The following NAA11 variants were observed in gnomAD, a reference collection of about 807,000 sequenced individuals.
The protein encoded by NAA11 is N-alpha-acetyltransferase 11, NatA catalytic subunit, also known as N-alpha-acetyltransferase 11.
In NAA11, 15 loss-of-function variants were observed where a neutral mutation model predicts 16.1. That is an observed-to-expected ratio of 0.93 (90% CI 0.62 to 1.44). NAA11 has a LOEUF of 1.44. Among genes scored for constraint, NAA11 ranks in the 40% most tolerant of loss-of-function variants. NAA11 has a pLI of 0.00. For synonymous variants in NAA11, 122 were observed against 112.4 expected, an observed-to-expected ratio of 1.09 and a Z score of -0.54; for missense variants, 298 against 291.3, an observed-to-expected ratio of 1.02 and a Z score of -0.17.
At chr4:79,277,293 C>T (rs1007839365) in intron 2 of NAA11, among the ~76,000 whole-genome samples, 2 of 152,118 alleles carry the variant, frequency 1.3e-5, no homozygotes, top group Non-Finnish European at 2.9e-5. Flanking sequence ...TTATTCTTGT[C>T]GGGTGCTGTG....
the NAA11 span, among the ~76,000 whole-genome samples, chr4:79,204,566 CCTT>C: frequency 6.9e-6 from 1 of 143,930 alleles, no homozygotes; most frequent in East Asian, 2.3e-4. Flanking sequence ...TTCCTTCTCT[CCTT>C]CTACTTTTAT....
Position 79,325,408 on chromosome 4 carries a change from T to C in NAA11, c.470A>G (p.Glu157Gly). The C allele has an allele frequency of 6.2e-7, 1 of 1,614,206 alleles. No individual in the cohort carries two copies. The highest frequency in any genetic ancestry group is 8.5e-7 in the Non-Finnish European group (1 of 1,180,032). ...MKRDLSQMAD[E>G]LRRQMDLKKG... ...CTTCAGGTCCATTTGTCGTCTCAGC[T>C]CATCTGCCATCTGCGAGAGATCCCG... The change falls in exon 1 of 2, where the codon GAG becomes GGG. Residue 157 changes from glutamate to glycine, a missense_variant. Transcript: ENST00000286794.
intron 2 of NAA11, among the ~76,000 whole-genome samples, chr4:79,265,430 T>G (rs974841030): frequency 6.6e-6 from 1 of 152,200 alleles, no homozygotes; most frequent in African/African-American, 2.4e-5. Flanking sequence ...TCACTGAGAA[T>G]AAAACTTCAA....
At chr4:79,157,971 G>A in the NAA11 span, among the ~76,000 whole-genome samples, 47 of 150,330 alleles carry the variant, frequency 3.1e-4, no homozygotes, top group Non-Finnish European at 5.0e-4. Context: ...CGTGATCTCG[G>A]CTCATTGCAA....
At chr4:79,294,130 A>G (rs1360091166) in intron 1 of NAA11, 3 of 152,230 alleles carry the variant, frequency 2.0e-5, no homozygotes, top group African/African-American at 7.2e-5. Context: ...GTAATAGGAC[A>G]AAATGGACTA....
chr4:79,311,469 CT>C (rs1723767006), intron 1 of NAA11, among the ~76,000 whole-genome samples: 1 of 152,180 alleles, frequency 6.6e-6, no homozygotes, highest in African/African-American at 2.4e-5. Flanking sequence ...CCTAAACCAG[CT>C]TTCTAACTCT....
At chr4:79,241,223 T>C (rs144963763) in intron 2 of NAA11, among the ~76,000 whole-genome samples, 26 of 152,324 alleles carry the variant, frequency 1.7e-4, no homozygotes, top group African/African-American at 6.3e-4. Context: ...TTCGCTTAAA[T>C]ATATTTTCTC....
At chr4:79,193,976 C>A in the NAA11 span, among the ~76,000 whole-genome samples, 3 of 152,086 alleles carry the variant, frequency 2.0e-5, no homozygotes, top group Non-Finnish European at 1.5e-5. Flanking sequence ...GTATTTTATT[C>A]TCTTTGAAGC....
intron 2 of NAA11, among the ~76,000 whole-genome samples, chr4:79,233,328 C>T (rs1359494721): frequency 6.6e-6 from 1 of 151,940 alleles, no homozygotes; most frequent in Non-Finnish European, 1.5e-5. Flanking sequence ...ATCACCTCTA[C>T]TAATTTAGCT....
intron 1 of NAA11, among the ~76,000 whole-genome samples, chr4:79,295,514 T>C (rs372213190): frequency 2.6e-5 from 4 of 152,292 alleles, no homozygotes; most frequent in African/African-American, 7.2e-5. Flanking sequence ...CTACTCACAA[T>C]AGTACTCCAG....
chr4:79,286,930 G>A (rs76082874), intron 2 of NAA11, among the ~76,000 whole-genome samples: 4,874 of 152,042 alleles, frequency 0.032, 264 homozygotes, highest in African/African-American at 0.1. Context: ...GGGAATACAT[G>A]TTGCTACAAA....
chr4:79,228,062 C>G (rs1408165332), intron 2 of NAA11: 4 of 152,008 alleles, frequency 2.6e-5, no homozygotes, highest in African/African-American at 9.7e-5. Flanking sequence ...GTAACAACAG[C>G]TGCCGTTTAC....
In NAA11 at chr4:79,228,989, C is replaced by T. The variant is rs371337635; in HGVS notation, c.*123-2719G>A. Among the ~76,000 whole-genome samples, 24 of 152,028 alleles carry T rather than the reference C, an allele frequency of 1.6e-4. No homozygotes were observed. The East Asian group carries it at 1.7e-3, about 11-fold the overall frequency. On this transcript the variant is annotated intron_variant and NMD_transcript_variant, in intron 2 of 2. Transcript: ENST00000511542. ...CCAGTCTTTTGTCAAATATATGATT[C>T]ACAAATATTTTCTCCCAGTCTATGG...
At chr4:79,218,918 G>A in the NAA11 span, among the ~76,000 whole-genome samples, 4 of 151,954 alleles carry the variant, frequency 2.6e-5, no homozygotes, top group East Asian at 7.7e-4. Flanking sequence ...TTGCACTTTA[G>A]CAAAATATTC....
At chr4:79,288,857 A>ATCC (rs1412070108) in intron 2 of NAA11, among the ~76,000 whole-genome samples, 1 of 152,226 alleles carries the variant, frequency 6.6e-6, no homozygotes, top group Non-Finnish European at 1.5e-5. Flanking sequence ...TTTGGTGTAT[A>ATCC]TCCTCTGAAG....
At chr4:79,307,406 T>C (rs1723622801) in intron 1 of NAA11, among the ~76,000 whole-genome samples, 2 of 152,222 alleles carry the variant, frequency 1.3e-5, no homozygotes. Flanking sequence ...AAAATGTTCT[T>C]ATGTGTAACA....
At chr4:79,304,422 T>G (rs562019595) in intron 1 of NAA11, among the ~76,000 whole-genome samples, 2 of 152,226 alleles carry the variant, frequency 1.3e-5, no homozygotes, top group Non-Finnish European at 2.9e-5. Context: ...ATTAAGAATG[T>G]GTATGTGAAC....
intron 2 of NAA11, among the ~76,000 whole-genome samples, chr4:79,273,165 T>C (rs1225100514): frequency 6.6e-6 from 1 of 151,916 alleles, no homozygotes; most frequent in African/African-American, 2.4e-5. Context: ...ACTCCATAGA[T>C]TCCACCTTTC....
intron 1 of NAA11, among the ~76,000 whole-genome samples, chr4:79,320,138 A>G (rs1288804210): frequency 6.6e-6 from 1 of 152,224 alleles, no homozygotes; most frequent in Non-Finnish European, 1.5e-5. Context: ...CTCAACCAGC[A>G]TGTTTTGAAC....
Sources: gnomAD v4.1 joint callset for allele counts (sites outside exome capture counted in the v4.1 genomes callset) on GRCh38, gnomAD v4.1.1 for gene constraint, MANE v1.5 for transcripts, NCBI Gene and HGNC (gene_info 2026-07-23, HGNC 2026-07-21) for gene names.